Variants in PPARGC1A observed in about 807,000 individuals in gnomAD.
PPARGC1A encodes PPARG coactivator 1 alpha, also known as peroxisome proliferator-activated receptor gamma coactivator 1-alpha.
Under a neutral mutation model 88.7 loss-of-function variants are expected in PPARGC1A, and 25 were observed. That is an observed-to-expected ratio of 0.28 (90% CI 0.21 to 0.39). The LOEUF is 0.39. Among genes scored for constraint, PPARGC1A ranks in the 10% least tolerant of loss-of-function variants. The pLI, the probability that PPARGC1A is intolerant of heterozygous loss-of-function variation, is 1.00. For missense variants in PPARGC1A, 880 were observed against 968.7 expected (o/e 0.91, Z 1.22); for synonymous variants, 363 against 355.6 (o/e 1.02, Z -0.24).
intron 4 of PPARGC1A, 145 bp from the exon 5 acceptor site, chr4:23,828,749 G>A (rs1423920730): frequency 2.9e-6 from 2 of 695,062 alleles, no homozygotes; most frequent in Non-Finnish European, 4.8e-6. Flanking sequence ...ACTGTTTGCA[G>A]AACAAGGAAA....
the PPARGC1A span, among the ~76,000 whole-genome samples, chr4:24,207,349 C>T: frequency 1.3e-5 from 2 of 152,290 alleles, no homozygotes; most frequent in African/African-American, 4.8e-5. Flanking sequence ...AATACCCATA[C>T]AAACACAAAA....
the PPARGC1A span, among the ~76,000 whole-genome samples, chr4:24,308,518 G>T: frequency 6.6e-6 from 1 of 152,040 alleles, no homozygotes. Flanking sequence ...GATAGCATGG[G>T]ATTTATTTAC....
At chr4:23,864,170 CAT>C (rs1194904992) in intron 2 of PPARGC1A, among the ~76,000 whole-genome samples, 4 of 152,242 alleles carry the variant, frequency 2.6e-5, no homozygotes, top group African/African-American at 7.2e-5. Flanking sequence ...CCAATGCTCA[CAT>C]GTTTCCTTAG....
At chr4:24,450,956 A>AT in the PPARGC1A span, among the ~76,000 whole-genome samples, 1 of 152,210 alleles carries the variant, frequency 6.6e-6, no homozygotes, top group Non-Finnish European at 1.5e-5. Context: ...GTCTAAGAAA[A>AT]TTATCATTTC....
chr4:24,222,936 C>A, the PPARGC1A span, among the ~76,000 whole-genome samples: 1 of 152,142 alleles, frequency 6.6e-6, no homozygotes, highest in Non-Finnish European at 1.5e-5. Flanking sequence ...CATCTTCATA[C>A]ATAAAAATTA....
chr4:24,307,441 T>A, the PPARGC1A span, among the ~76,000 whole-genome samples: 1 of 152,210 alleles, frequency 6.6e-6, no homozygotes, highest in Non-Finnish European at 1.5e-5. Flanking sequence ...CATATTTGTG[T>A]GAACTGCACA....
chr4:23,921,308 A>G, the PPARGC1A span, among the ~76,000 whole-genome samples: 1 of 152,228 alleles, frequency 6.6e-6, no homozygotes, highest in Non-Finnish European at 1.5e-5. Flanking sequence ...GACAGGGAGT[A>G]TAAAAGAATT....
At chr4:24,449,717 C>G in the PPARGC1A span, among the ~76,000 whole-genome samples, 94 of 152,282 alleles carry the variant, frequency 6.2e-4, no homozygotes, top group African/African-American at 2.2e-3. Context: ...ACTTTTTCCA[C>G]TGATAATAGA....
the PPARGC1A span, among the ~76,000 whole-genome samples, chr4:23,911,126 C>T: frequency 6.6e-6 from 1 of 152,146 alleles, no homozygotes; most frequent in African/African-American, 2.4e-5. Context: ...GAGAAATCTA[C>T]AGGACATAGT....
chr4:24,288,417 T>C, the PPARGC1A span, among the ~76,000 whole-genome samples: 1 of 152,192 alleles, frequency 6.6e-6, no homozygotes, highest in Non-Finnish European at 1.5e-5. Flanking sequence ...GATTACAAAG[T>C]CTGTAACAGG....
the PPARGC1A span, among the ~76,000 whole-genome samples, chr4:24,457,477 A>T: frequency 1.3e-5 from 2 of 152,190 alleles, no homozygotes; most frequent in Non-Finnish European, 2.9e-5. Flanking sequence ...GGATATAGTC[A>T]ACATTCCTCT....
the PPARGC1A span, among the ~76,000 whole-genome samples, chr4:24,344,487 TCCCTGATCATTA>T: frequency 6.6e-6 from 1 of 152,320 alleles, no homozygotes; most frequent in East Asian, 1.9e-4. Context: ...GATTTGCATT[TCCCTGATCATTA>T]GTGTTGTTGA....
the PPARGC1A span, among the ~76,000 whole-genome samples, chr4:24,059,260 A>G: frequency 0.55 from 83,946 of 152,006 alleles, 23,424 homozygotes; most frequent in Admixed American, 0.58. Context: ...CAAGGAGAAC[A>G]GCATCTGGCC....
the PPARGC1A span, among the ~76,000 whole-genome samples, chr4:24,094,103 G>C: frequency 3.9e-5 from 6 of 152,232 alleles, no homozygotes; most frequent in East Asian, 1.2e-3. Flanking sequence ...CTATTGCGGT[G>C]ACTGCAGATG....
the PPARGC1A span, among the ~76,000 whole-genome samples, chr4:23,924,347 G>A: frequency 1.3e-5 from 2 of 152,208 alleles, no homozygotes; most frequent in African/African-American, 4.8e-5. Context: ...AAGTGTCTAG[G>A]CCAGGCGTGG....
At chr4:24,238,098 G>A in the PPARGC1A span, among the ~76,000 whole-genome samples, 1 of 152,138 alleles carries the variant, frequency 6.6e-6, no homozygotes, top group Admixed American at 6.5e-5. Context: ...CCAAGTTATA[G>A]AGCCTACTGT....
the PPARGC1A span, among the ~76,000 whole-genome samples, chr4:24,252,359 G>A: frequency 6.6e-6 from 1 of 152,046 alleles, no homozygotes; most frequent in Non-Finnish European, 1.5e-5. Context: ...GGTATGTATG[G>A]GTGTTTGATC....
At chr4:24,441,140 G>A in the PPARGC1A span, among the ~76,000 whole-genome samples, 1 of 152,204 alleles carries the variant, frequency 6.6e-6, no homozygotes, top group South Asian at 2.1e-4. Flanking sequence ...GAGAGATACT[G>A]TGGAATGGTG....
At chr4:23,910,348 T>G in the PPARGC1A span, among the ~76,000 whole-genome samples, 1 of 59,832 alleles carries the variant, frequency 1.7e-5, no homozygotes, top group Non-Finnish European at 2.8e-5. Flanking sequence ...ATATTATATA[T>G]TATATATATT....
Sources: allele counts gnomAD v4.1 joint callset (sites outside exome capture counted in the v4.1 genomes callset), GRCh38; gene constraint gnomAD v4.1.1; transcripts MANE v1.5; gene names NCBI Gene and HGNC (gene_info 2026-07-23, HGNC 2026-07-21).